COL4A3: variants seen among roughly 807,000 people sequenced by gnomAD.
The protein encoded by COL4A3 is collagen type IV alpha 3 chain.
In COL4A3, 135 loss-of-function variants were observed where a neutral mutation model predicts 217.4. That is an observed-to-expected ratio of 0.62 (90% CI 0.54 to 0.72). COL4A3 has a LOEUF of 0.72. COL4A3 is among the 30% of genes least tolerant of loss of function. COL4A3 has a pLI of 0.00. For synonymous variants in COL4A3, 690 were observed against 736.3 expected (o/e 0.94, Z 1.02); for missense variants, 1,868 against 2,119.9 (o/e 0.88, Z 2.33).
intron 1 of COL4A3, among the ~76,000 whole-genome samples, chr2:227,208,002 G>T (rs1295231178): frequency 6.6e-6 from 1 of 151,972 alleles, no homozygotes; most frequent in Non-Finnish European, 1.5e-5. Context: ...TGGAGTATTG[G>T]TTACTCTCTC....
In COL4A3 at chr2:227,283,752, A is replaced by ATTTT. The variant is rs764088798; in HGVS notation, c.2657-15_2657-14insTTTT. The ATTTT allele has an allele frequency of 7.5e-6, 12 of 1,609,176 alleles. No individual in the cohort carries two copies. In the South Asian group the frequency reaches 1.2e-4, roughly 16 times the overall value. ...TGTACAACACGTGCTGCTTTGTGTT[A>ATTTT]ATTTGTTTCCATAGGTGAAGATGGA... On this transcript the variant is annotated splice_polypyrimidine_tract_variant and intron_variant, in intron 32 of 51. Coordinates refer to ENST00000396578, the MANE Select transcript of COL4A3 (RefSeq NM_000091.5).
At chr2:227,252,022 T>C (rs947783022) in intron 11 of COL4A3, among the ~76,000 whole-genome samples, 36 of 120,046 alleles carry the variant, frequency 3.0e-4, no homozygotes, top group African/African-American at 1.1e-3. Flanking sequence ...TGAGCCAAGA[T>C]AGCACCACTG....
intron 1 of COL4A3, among the ~76,000 whole-genome samples, chr2:227,225,807 G>A (rs2068058768): frequency 6.6e-6 from 1 of 150,816 alleles, no homozygotes; most frequent in African/African-American, 2.4e-5. Context: ...CACCTCCCAG[G>A]TTGAAGCGAT....
chr2:227,179,563 T>G (rs1054514997), intron 1 of COL4A3, among the ~76,000 whole-genome samples: 6 of 152,214 alleles, frequency 3.9e-5, no homozygotes, highest in Non-Finnish European at 7.3e-5. Context: ...TTATTAGATA[T>G]CCAAACTAAA....
At chr2:227,179,406 C>A (rs1202145196) in intron 1 of COL4A3, among the ~76,000 whole-genome samples, 1 of 152,162 alleles carries the variant, frequency 6.6e-6, no homozygotes, top group East Asian at 1.9e-4. Flanking sequence ...CAATTAATTA[C>A]TTTTATTTAC....
chr2:227,301,836 C>T (rs2073299219), intron 43 of COL4A3: 1 of 152,206 alleles, frequency 6.6e-6, no homozygotes, highest in Non-Finnish European at 1.5e-5. Flanking sequence ...CCAGCAAGTC[C>T]TTGACCAGAT....
chr2:227,239,503 T>C (rs1036601545), intron 2 of COL4A3, among the ~76,000 whole-genome samples: 3 of 152,212 alleles, frequency 2.0e-5, no homozygotes, highest in African/African-American at 7.2e-5. Context: ...TAGAACTGTG[T>C]CAAGCCTTGG....
chr2:227,231,503 T>C (rs1008787692), intron 1 of COL4A3, among the ~76,000 whole-genome samples: 6 of 152,108 alleles, frequency 3.9e-5, no homozygotes, highest in Non-Finnish European at 5.9e-5. Context: ...ATTTATCCCT[T>C]GAGTTACAAA....
In COL4A3 at chr2:227,304,050, T is replaced by A. The variant is rs374672854; in HGVS notation, c.4059T>A (p.Ile1353=). The A allele has an allele frequency of 3.1e-6, 5 of 1,614,020 alleles. No individual in the cohort carries two copies. Among genetic ancestry groups the A allele is most frequent in the Non-Finnish European group, 4.2e-6 (5 of 1,180,012 alleles). Residue 1353 remains isoleucine (I), a synonymous_variant, in exon 46 of 52, where the codon ATT becomes ATA. Transcript: ENST00000396578. ...GVRGDPGTLK[I]ISLPGSPGPP... ...GTGGAGACCCTGGCACACTTAAGATTATCTCCCTTCCAGGAAGCCCAGGGC... is the reference window on the plus strand; with the variant it reads ...GTGGAGACCCTGGCACACTTAAGATAATCTCCCTTCCAGGAAGCCCAGGGC...
intron 1 of COL4A3, among the ~76,000 whole-genome samples, chr2:227,190,779 C>T (rs2066207029): frequency 6.6e-6 from 1 of 152,144 alleles, no homozygotes; most frequent in Non-Finnish European, 1.5e-5. Flanking sequence ...TGGTGGCACA[C>T]ACCTGTAGTC....
At chr2:227,288,139 C>T (rs2072455083) in intron 34 of COL4A3, among the ~76,000 whole-genome samples, 1 of 152,182 alleles carries the variant, frequency 6.6e-6, no homozygotes, top group South Asian at 2.1e-4. Flanking sequence ...TCTGTCACCC[C>T]GGCTGGACTG....
intron 20 of COL4A3, 70 bp downstream of exon 20, chr2:227,261,187 G>A: frequency 1.5e-6 from 2 of 1,299,516 alleles, no homozygotes; most frequent in Non-Finnish European, 2.2e-6. Flanking sequence ...CCTCTATTAA[G>A]TTTACATTAT....
intron 5 of COL4A3, among the ~76,000 whole-genome samples, chr2:227,245,228 T>C (rs1354686316): frequency 1.3e-5 from 2 of 151,976 alleles, no homozygotes; most frequent in East Asian, 1.9e-4. Context: ...AATTAGTAAA[T>C]TATATGGTAA....
chr2:227,201,117 CT>C (rs1165962005), intron 1 of COL4A3, among the ~76,000 whole-genome samples: 1 of 151,844 alleles, frequency 6.6e-6, no homozygotes, highest in African/African-American at 2.4e-5. Flanking sequence ...GTTATGTTAC[CT>C]TAATGACTCT....
Position 227,266,463 on chromosome 2 carries a change from A to T in COL4A3, c.1362A>T (p.Pro454=), listed in dbSNP as rs377373374. The T allele has an allele frequency of 1.7e-4, 275 of 1,614,016 alleles. No homozygotes were observed. The highest frequency in any genetic ancestry group is 2.2e-4 in the Non-Finnish European group (265 of 1,180,018). Residue 454 remains proline, a synonymous_variant, in exon 22 of 52, where the codon CCA becomes CCT. Coordinates refer to ENST00000396578, the MANE Select transcript of COL4A3 (RefSeq NM_000091.5). ...RKGPPGDHGL[P]GYLGSPGIPG... ...GTCCACCTGGAGATCACGGACTGCCAGGCTATCTAGGGTCTCCAGGAATCC... is the reference window on the plus strand; with the variant it reads ...GTCCACCTGGAGATCACGGACTGCCTGGCTATCTAGGGTCTCCAGGAATCC...
chr2:227,172,994 A>G (rs1037896622), intron 1 of COL4A3, among the ~76,000 whole-genome samples: 3 of 152,118 alleles, frequency 2.0e-5, no homozygotes, highest in African/African-American at 7.2e-5. Context: ...CCATTACCCT[A>G]TGCTTACAGC....
chr2:227,240,157 T>G lies in COL4A3; in HGVS notation c.159T>G (p.Phe53Leu), dbSNP rs1217941846. Residue 53 changes from phenylalanine (F) to leucine (L), a missense_variant, in exon 3 of 52, where the codon TTT becomes TTG. Transcript: ENST00000396578. The part of the protein sequence containing the change: ...GAKGEKGEKG[F>L]PGPPGSPGQK... ...GGTTTTAACAGGGGGAGAAGGGCTT[T>G]CCTGGACCCCCCGGTTCTCCTGGCC... is the stretch of plus-strand genomic sequence containing the variant. 6 of 1,609,554 alleles carry G rather than the reference T, an allele frequency of 3.7e-6. No homozygotes were observed. The highest frequency in any genetic ancestry group is 5.1e-6 in the Non-Finnish European group (6 of 1,178,150).
intron 1 of COL4A3, among the ~76,000 whole-genome samples, chr2:227,175,846 T>A (rs1216586375): frequency 2.0e-5 from 3 of 152,242 alleles, no homozygotes; most frequent in African/African-American, 4.8e-5. Context: ...GCATTAGTAA[T>A]GAAATGACAG....
At chr2:227,280,316 A>G (rs1194294605) in intron 29 of COL4A3, 124 bp from the exon 30 acceptor site, 1 of 1,099,548 alleles carries the variant, frequency 9.1e-7, no homozygotes, top group South Asian at 1.4e-5. Flanking sequence ...CTAGAGCTCA[A>G]AAAGGAAAGT....
Sources: gnomAD v4.1 joint callset for allele counts (sites outside exome capture counted in the v4.1 genomes callset) on GRCh38, gnomAD v4.1.1 for gene constraint, MANE v1.5 for transcripts, NCBI Gene and HGNC (gene_info 2026-07-23, HGNC 2026-07-21) for gene names.